Variants in EGF observed in about 807,000 individuals in gnomAD.
EGF encodes epidermal growth factor.
In EGF, 95 loss-of-function variants were observed where a neutral mutation model predicts 143.8. That is an observed-to-expected ratio of 0.66 (90% CI 0.56 to 0.78). EGF has a LOEUF of 0.78. Ranked by LOEUF, EGF falls within the 30% of genes least tolerant of loss-of-function variation. The pLI, the probability that EGF is intolerant of heterozygous loss-of-function variation, is 0.00. For missense variants in EGF, 1,320 were observed against 1,470.9 expected, an observed-to-expected ratio of 0.90 and a Z score of 1.68; for synonymous variants, 510 against 510.5, an observed-to-expected ratio of 1.00 and a Z score of 0.01.
intron 5 of EGF, among the ~76,000 whole-genome samples, chr4:109,951,197 A>AAAATG (rs1167773010): frequency 8.2e-5 from 12 of 146,936 alleles, no homozygotes; most frequent in Non-Finnish European, 1.0e-4. Context: ...AAAATAAAAT[A>AAAATG]AAATGCAAAA....
chr4:109,959,146 G>A (rs1188086341), intron 5 of EGF, 166 bp from the exon 6 acceptor site: 6 of 1,006,944 alleles, frequency 6.0e-6, no homozygotes, highest in Non-Finnish European at 8.7e-6. Context: ...GAAAAAAGTG[G>A]GCTTCGGGAT....
chr4:109,975,385 T>C (rs1017950536), intron 12 of EGF, among the ~76,000 whole-genome samples: 1 of 152,192 alleles, frequency 6.6e-6, no homozygotes, highest in African/African-American at 2.4e-5. Flanking sequence ...AGATAATATA[T>C]TGATAGTAGT....
intron 1 of EGF, among the ~76,000 whole-genome samples, chr4:109,924,356 T>A (rs1195507221): frequency 6.6e-6 from 1 of 151,744 alleles, no homozygotes; most frequent in Non-Finnish European, 1.5e-5. Context: ...TAGTTTTAAG[T>A]CGGTTTAGGA....
intron 1 of EGF, chr4:109,940,734 G>T: frequency 1.8e-6 from 1 of 550,298 alleles, no homozygotes; most frequent in Non-Finnish European, 3.2e-6. Context: ...CAATGTTCAT[G>T]TCTTATAATC....
intron 11 of EGF, among the ~76,000 whole-genome samples, chr4:109,970,687 G>A (rs1477962813): frequency 6.6e-6 from 1 of 151,846 alleles, no homozygotes; most frequent in East Asian, 1.9e-4. Flanking sequence ...TTAGCCGGGC[G>A]GGTGGTGGGC....
At chr4:109,963,042 G>A (rs1439967794) in intron 8 of EGF, 131 bp from the exon 9 acceptor site, 2 of 1,105,700 alleles carry the variant, frequency 1.8e-6, no homozygotes, top group African/African-American at 3.2e-5. Context: ...TCCAGCCTGG[G>A]TGAAAGAGTG....
At chr4:109,999,136 C>G (rs1560761972) in intron 20 of EGF, among the ~76,000 whole-genome samples, 1 of 152,048 alleles carries the variant, frequency 6.6e-6, no homozygotes, top group Non-Finnish European at 1.5e-5. Flanking sequence ...ACTGGGTCTT[C>G]CCTTGCACTA....
intron 5 of EGF, among the ~76,000 whole-genome samples, chr4:109,953,222 T>C (rs1309596554): frequency 6.6e-6 from 1 of 152,206 alleles, no homozygotes; most frequent in Non-Finnish European, 1.5e-5. Flanking sequence ...TTTTTTGTGA[T>C]GTTCAAAATT....
At position 109,976,085 on chromosome 4, in the gene EGF, G is replaced by T; in HGVS notation, c.1903G>T (p.Val635Phe). 6.2e-7 allele frequency: 1 copy of T among 1,614,048 alleles called. No homozygotes were observed. The highest frequency in any genetic ancestry group is 8.5e-7 in the Non-Finnish European group (1 of 1,179,930). Residue 635 changes from valine to phenylalanine, a missense_variant, in exon 13 of 24, where the codon GTT (valine) becomes TTT (phenylalanine). Around this residue, in one of 5 missense-constraint regions of EGF, gnomAD observed 1,186 missense variants for 1,313.7 expected, o/e 0.90. Coordinates refer to ENST00000265171, the MANE Select transcript of EGF (RefSeq NM_001963.6). ...SSSLQGLGRLVIASSDLIWPS... is the reference protein window; with the variant it reads ...SSSLQGLGRLFIASSDLIWPS... ...TTCCCTCCAAGGCCTTGGCCGTCTGGTTATAGCCAGCTCTGATCTAATCTG... is the reference window on the plus strand; with the variant it reads ...TTCCCTCCAAGGCCTTGGCCGTCTGTTTATAGCCAGCTCTGATCTAATCTG...
At chr4:109,960,809 G>A in intron 6 of EGF, 58 bp from the exon 7 acceptor site, 3 of 1,607,254 alleles carry the variant, frequency 1.9e-6, no homozygotes, top group Non-Finnish European at 2.6e-6. Context: ...ATTAGTGATA[G>A]CACAATTTAT....
At chr4:109,919,294 TCTCTC>T (rs1209855216) in intron 1 of EGF, among the ~76,000 whole-genome samples, 1 of 42,728 alleles carries the variant, frequency 2.3e-5, no homozygotes, top group Non-Finnish European at 4.1e-5. Context: ...TCTGTCTCTC[TCTCTC>T]TCTCTCTCTC....
At chr4:109,931,647 T>C (rs1307180871) in intron 1 of EGF, among the ~76,000 whole-genome samples, 1 of 152,002 alleles carries the variant, frequency 6.6e-6, no homozygotes, top group Non-Finnish European at 1.5e-5. Flanking sequence ...CTGGAGTGCC[T>C]GGTCAAAAAA....
chr4:109,931,445 A>G (rs905391733), intron 1 of EGF, among the ~76,000 whole-genome samples: 1 of 152,216 alleles, frequency 6.6e-6, no homozygotes, highest in Non-Finnish European at 1.5e-5. Flanking sequence ...ATATCTTGAC[A>G]TGTGACAACC....
At chr4:109,944,170 C>A in intron 4 of EGF, 101 bp downstream of exon 4, 1 of 1,315,376 alleles carries the variant, frequency 7.6e-7, no homozygotes, top group Non-Finnish European at 1.1e-6. Flanking sequence ...GTGGTTTAGG[C>A]CATAGATTTT....
rs1345748361 is a variant in EGF at position 109,994,781 on chromosome 4, T to C, written c.2906T>C (p.Val969Ala). The C allele has an allele frequency of 6.2e-7, 1 of 1,614,044 alleles. No individual in the cohort carries two copies. Among genetic ancestry groups the C allele is most frequent in the Non-Finnish European group, 8.5e-7 (1 of 1,180,008 alleles). ...AGGGAAGATGACCACCACTATTCCG[T>C]AAGAAATAGTGACTCTGAATGTCCC... ...HLREDDHHYS[V>A]RNSDSECPLS... Residue 969 changes from valine to alanine, a missense_variant, in exon 20 of 24, where the codon GTA (valine) becomes GCA (alanine). By Grantham distance (64) the Val-to-Ala change is moderately conservative (BLOSUM62 0). Coordinates refer to ENST00000265171, the MANE Select transcript of EGF (RefSeq NM_001963.6).
intron 5 of EGF, among the ~76,000 whole-genome samples, chr4:109,947,425 A>T (rs1027184662): frequency 3.3e-5 from 5 of 151,350 alleles, no homozygotes; most frequent in African/African-American, 1.2e-4. Flanking sequence ...CCCAGGCTGG[A>T]GTGCCGTGGC....
At chr4:109,931,978 G>A (rs1560642559) in intron 1 of EGF, among the ~76,000 whole-genome samples, 3 of 151,994 alleles carry the variant, frequency 2.0e-5, no homozygotes, top group Admixed American at 2.0e-4. Context: ...TATAATTTGT[G>A]CTTTATGAAT....
intron 1 of EGF, among the ~76,000 whole-genome samples, chr4:109,926,215 T>C (rs1483046170): frequency 6.6e-6 from 1 of 152,136 alleles, no homozygotes; most frequent in Admixed American, 6.5e-5. Context: ...TAGCTGGGCA[T>C]GGTGGTATGT....
Position 109,980,497 on chromosome 4 carries a change from T to C in EGF, c.2222-329T>C, listed in dbSNP as rs6533484. ...CAAATGGAAAAGGCATTTCACATTT[T>C]ATAGTAGCTCTTCTTTCTGAATTGC... On this transcript the variant is annotated intron_variant, in intron 14 of 23. Transcript: ENST00000265171. 0.011 allele frequency: 5,201 copies of C among 463,928 alleles called. 205 individuals carry two copies. The highest frequency in any genetic ancestry group is 0.086 in the African/African-American group (4,387 of 51,046). The allele number at this position is 463,928 out of a possible 1,614,324, so 28.7% of individuals were successfully genotyped here.
Sources: allele counts gnomAD v4.1 joint callset (sites outside exome capture counted in the v4.1 genomes callset), GRCh38; gene constraint gnomAD v4.1.1; regional missense constraint gnomAD v4.1.1; transcripts MANE v1.5; gene names NCBI Gene and HGNC (gene_info 2026-07-23, HGNC 2026-07-21).